The following CAST variants were observed in gnomAD, a reference collection of about 807,000 sequenced individuals.
CAST encodes the protein calpastatin, also known as MIR583 host.
In CAST, 76 loss-of-function variants were observed where a neutral mutation model predicts 119.6. That is an observed-to-expected ratio of 0.64 (90% CI 0.53 to 0.77). CAST has a LOEUF of 0.77. CAST is among the 30% of genes least tolerant of loss of function. CAST has a pLI of 0.00. For missense variants in CAST, 953 were observed against 946.5 expected, an observed-to-expected ratio of 1.01 and a Z score of -0.09; for synonymous variants, 319 against 331.6, an observed-to-expected ratio of 0.96 and a Z score of 0.41.
chr5:96,690,235 T>C (rs1752571301), intron 2 of CAST, among the ~76,000 whole-genome samples: 2 of 151,476 alleles, frequency 1.3e-5, no homozygotes, highest in Admixed American at 6.6e-5. Context: ...TTTATTTATT[T>C]ATCTATTTTT....
At chr5:96,730,700 T>G in intron 8 of CAST, 80 bp from the exon 9 acceptor site, 1 of 1,021,278 alleles carries the variant, frequency 9.8e-7, no homozygotes, top group Non-Finnish European at 1.6e-6. Flanking sequence ...CAGATGTTAG[T>G]GACATTTGAA....
intron 4 of CAST, among the ~76,000 whole-genome samples, chr5:96,723,897 C>A (rs776895247): frequency 2.0e-5 from 3 of 152,072 alleles, no homozygotes; most frequent in Non-Finnish European, 4.4e-5. Flanking sequence ...GTTTCCTATC[C>A]CAGGTGATGT....
chr5:96,392,550 G>A, the CAST span: 1 of 174,496 alleles, frequency 5.7e-6, no homozygotes. Flanking sequence ...ATACTTTCTT[G>A]GCATCAAAAT....
At chr5:96,457,256 C>G in the CAST span, among the ~76,000 whole-genome samples, 2 of 152,304 alleles carry the variant, frequency 1.3e-5, no homozygotes, top group South Asian at 4.2e-4. Context: ...TTCCATTGCT[C>G]TAGCCCAAGT....
the CAST span, among the ~76,000 whole-genome samples, chr5:96,064,672 G>T: frequency 1.3e-5 from 2 of 149,510 alleles, no homozygotes; most frequent in South Asian, 2.2e-4. Context: ...TTTCACAAGT[G>T]ATATTCATTG....
At chr5:96,103,947 G>T in the CAST span, among the ~76,000 whole-genome samples, 4 of 152,068 alleles carry the variant, frequency 2.6e-5, no homozygotes, top group African/African-American at 9.7e-5. Flanking sequence ...TTCTCTGATG[G>T]CCAGTGATGG....
At chr5:96,528,825 A>T (rs748889248), upstream of CAST, among the ~76,000 whole-genome samples, 2 of 152,230 alleles carry the variant, frequency 1.3e-5, no homozygotes, top group Non-Finnish European at 2.9e-5. Context: ...CACACAAAAT[A>T]TCACATCCAC....
intron 1 of CAST, among the ~76,000 whole-genome samples, chr5:96,669,987 CT>C (rs1238276697): frequency 6.6e-6 from 1 of 152,210 alleles, no homozygotes; most frequent in Non-Finnish European, 1.5e-5. Flanking sequence ...TTCCCAGGTG[CT>C]TGTGACAGGC....
At chr5:96,448,507 C>A in the CAST span, among the ~76,000 whole-genome samples, 3 of 152,142 alleles carry the variant, frequency 2.0e-5, no homozygotes, top group Non-Finnish European at 4.4e-5. Flanking sequence ...AGTTTCCGTG[C>A]CCCCTATTGA....
the CAST span, among the ~76,000 whole-genome samples, chr5:96,472,862 G>C: frequency 6.6e-6 from 1 of 152,190 alleles, no homozygotes; most frequent in South Asian, 2.1e-4. Flanking sequence ...TACTGTCCTG[G>C]TTCTTGAGGC....
At chr5:96,559,384 G>A (rs1400377588) in intron 1 of CAST, among the ~76,000 whole-genome samples, 1 of 152,110 alleles carries the variant, frequency 6.6e-6, no homozygotes, top group Non-Finnish European at 1.5e-5. Context: ...AAGGAAATAA[G>A]GGGTATTCAG....
At chr5:96,581,681 G>A (rs1179354170) in intron 1 of CAST, among the ~76,000 whole-genome samples, 4 of 152,140 alleles carry the variant, frequency 2.6e-5, no homozygotes, top group African/African-American at 9.7e-5. Flanking sequence ...ACAAGGTCAG[G>A]AGATCGAGAC....
chr5:96,688,408 G>A (rs1361499124), intron 2 of CAST, among the ~76,000 whole-genome samples: 1 of 152,128 alleles, frequency 6.6e-6, no homozygotes, highest in Non-Finnish European at 1.5e-5. Flanking sequence ...ATAATCAGAG[G>A]TGTACATGAT....
the CAST span, among the ~76,000 whole-genome samples, chr5:96,516,242 G>A: frequency 1.5e-4 from 23 of 151,690 alleles, no homozygotes; most frequent in Non-Finnish European, 1.8e-4. Flanking sequence ...TTGTTTCAAG[G>A]GACATACAAA....
At chr5:96,298,979 C>T in the CAST span, among the ~76,000 whole-genome samples, 1 of 151,886 alleles carries the variant, frequency 6.6e-6, no homozygotes, top group Admixed American at 6.6e-5. Flanking sequence ...GTGGCTCACA[C>T]CTGTAATCCC....
chr5:96,104,315 T>G, the CAST span, among the ~76,000 whole-genome samples: 1 of 152,246 alleles, frequency 6.6e-6, no homozygotes, highest in African/African-American at 2.4e-5. Context: ...TCCCCATGCC[T>G]ATGTCCTGAA....
the CAST span, among the ~76,000 whole-genome samples, chr5:95,993,820 G>A: frequency 2.0e-5 from 3 of 151,948 alleles, no homozygotes; most frequent in South Asian, 2.1e-4. Flanking sequence ...TTGAACAGAC[G>A]CTTCAAAAAA....
chr5:96,315,436 G>A, the CAST span, among the ~76,000 whole-genome samples: 3 of 152,160 alleles, frequency 2.0e-5, no homozygotes, highest in Non-Finnish European at 4.4e-5. Context: ...ACAATGTGAG[G>A]CCATGATTCC....
the CAST span, among the ~76,000 whole-genome samples, chr5:95,993,538 G>C: frequency 2.0e-5 from 3 of 152,102 alleles, no homozygotes; most frequent in African/African-American, 7.2e-5. Context: ...GACAGCCCCT[G>C]CAACAAAGTT....
Sources: gnomAD v4.1 joint callset for allele counts (sites outside exome capture counted in the v4.1 genomes callset) on GRCh38, gnomAD v4.1.1 for gene constraint, MANE v1.5 for transcripts, NCBI Gene and HGNC (gene_info 2026-07-23, HGNC 2026-07-21) for gene names.